The following MMRN1 variants were observed in gnomAD, a reference collection of about 807,000 sequenced individuals.
MMRN1 encodes multimerin 1.
A neutral mutation model predicts 100.7 loss-of-function variants in MMRN1; 94 were observed. The ratio of observed to expected loss-of-function variants is 0.93; its 90% CI spans 0.79 to 1.11. The LOEUF is 1.11. Among genes scored for constraint, MMRN1 ranks in the 50% least tolerant of loss-of-function variants. The pLI, the probability that MMRN1 is intolerant of heterozygous loss-of-function variation, is 0.00. For synonymous variants in MMRN1, 575 were observed against 505.0 expected (o/e 1.14, Z -1.86); for missense variants, 1,606 against 1,439.1 (o/e 1.12, Z -1.88).
chr4:89,914,880 T>G (rs1340247711), intron 3 of MMRN1, among the ~76,000 whole-genome samples: 1 of 151,540 alleles, frequency 6.6e-6, no homozygotes, highest in Middle Eastern at 3.2e-3. Flanking sequence ...ATACAAATAG[T>G]GTTAGATTAC....
At chr4:89,915,148 C>A (rs1721871510) in intron 3 of MMRN1, among the ~76,000 whole-genome samples, 1 of 151,546 alleles carries the variant, frequency 6.6e-6, no homozygotes, top group Non-Finnish European at 1.5e-5. Flanking sequence ...CTGTAACTAA[C>A]ATTTGAATAT....
intron 1 of MMRN1, among the ~76,000 whole-genome samples, chr4:89,905,165 T>A (rs1721526538): frequency 6.6e-6 from 1 of 151,552 alleles, no homozygotes; most frequent in Non-Finnish European, 1.5e-5. Context: ...CTGAATTGGG[T>A]GGGGATTTTA....
Position 89,936,011 on chromosome 4 carries a change from T to A in MMRN1, c.2331T>A (p.Pro777=), listed in dbSNP as rs1342352681. Residue 777 remains proline (P), a synonymous_variant, in exon 6 of 8, where the codon CCT becomes CCA. Coordinates refer to ENST00000264790, the MANE Select transcript of MMRN1 (RefSeq NM_007351.3). ...TGGAAACTATTTTGACATTTATTCC[T>A]CAGTTCCACCGTCTGAATGATTCTA... ...SDMETILTFI[P]QFHRLNDSIQ... 1.9e-6 allele frequency: 3 copies of A among 1,613,304 alleles called. No individual in the cohort carries two copies. Among genetic ancestry groups the A allele is most frequent in the Non-Finnish European group, 2.5e-6 (3 of 1,179,614 alleles).
At chr4:89,891,764 G>A (rs892676581), upstream of MMRN1, among the ~76,000 whole-genome samples, 4 of 152,002 alleles carry the variant, frequency 2.6e-5, no homozygotes, top group African/African-American at 9.7e-5. Context: ...TCTTATGGAG[G>A]AAGGTAATAA....
intron 6 of MMRN1, among the ~76,000 whole-genome samples, chr4:89,947,197 G>C (rs1398826198): frequency 6.6e-6 from 1 of 152,134 alleles, no homozygotes; most frequent in Non-Finnish European, 1.5e-5. Flanking sequence ...CAGGAGAATA[G>C]CTTAAGTCCA....
rs139077852 is a variant in MMRN1, at chr4:89,911,978, C to G, written c.778C>G (p.Gln260Glu). ...QKISNPVYRM[Q>E]HKIVTSLDWR... is the part of the protein sequence containing the mutation. Reference sequence around the variant, plus strand: ...GATATCCAATCCTGTCTATAGGATGCAACATAAAATTGTCACCTCATTGGA... The same window carrying G: ...GATATCCAATCCTGTCTATAGGATGGAACATAAAATTGTCACCTCATTGGA... The change falls in exon 3 of 8, where the codon CAA (glutamine) becomes GAA (glutamate). Residue 260 changes from glutamine to glutamate, a missense_variant. Transcript: ENST00000264790. 1.2e-6 allele frequency: 2 copies of G among 1,603,946 alleles called. No individual in the cohort carries two copies. Among genetic ancestry groups the G allele is most frequent in the Non-Finnish European group, 1.7e-6 (2 of 1,173,856 alleles).
intron 3 of MMRN1, among the ~76,000 whole-genome samples, chr4:89,916,261 C>T (rs547893495): frequency 1.2e-3 from 175 of 151,284 alleles, no homozygotes; most frequent in African/African-American, 3.7e-3. Context: ...CAATGAATTC[C>T]GGAGCAAAGA....
intron 3 of MMRN1, among the ~76,000 whole-genome samples, chr4:89,918,738 C>A (rs899964973): frequency 1.3e-5 from 2 of 151,752 alleles, no homozygotes; most frequent in East Asian, 1.9e-4. Flanking sequence ...AAAACTTTGC[C>A]TGGAACTCCT....
At chr4:89,896,857 T>G (rs886720495) in intron 1 of MMRN1, among the ~76,000 whole-genome samples, 2 of 152,272 alleles carry the variant, frequency 1.3e-5, no homozygotes, top group African/African-American at 4.8e-5. Flanking sequence ...TATAAGTAAA[T>G]CTGATTGTAA....
In MMRN1 at chr4:89,923,185, T is replaced by G. The variant is rs1042589290; in HGVS notation, c.868T>G (p.Leu290Val). ...CCTTCTAGCCCAGGAACAGCAAAGT[T>G]TGATACACACCAACCAGGCTGAAAG... Reference protein sequence around the residue: ...CQLRAQEQQSLIHTNQAESHT... With the variant: ...CQLRAQEQQSVIHTNQAESHT... The change falls in exon 4 of 8, where the codon TTG becomes GTG. Residue 290 changes from leucine to valine, a missense_variant. Coordinates refer to ENST00000264790, the MANE Select transcript of MMRN1 (RefSeq NM_007351.3). The G allele has an allele frequency of 2.0e-5, 32 of 1,613,924 alleles. No individual in the cohort carries two copies. Among genetic ancestry groups the G allele is most frequent in the Non-Finnish European group, 2.6e-5 (31 of 1,179,852 alleles).
At chr4:89,950,291 T>C (rs1723119838) in intron 6 of MMRN1, among the ~76,000 whole-genome samples, 1 of 152,192 alleles carries the variant, frequency 6.6e-6, no homozygotes, top group Non-Finnish European at 1.5e-5. Context: ...GCAAGTGATA[T>C]CATTTTGAAT....
intron 3 of MMRN1, among the ~76,000 whole-genome samples, chr4:89,914,801 T>C (rs1721862152): frequency 6.6e-6 from 1 of 151,516 alleles, no homozygotes; most frequent in Non-Finnish European, 1.5e-5. Flanking sequence ...AGTAGATGTC[T>C]CTAAAATATT....
At chr4:89,900,935 T>G (rs928518680) in intron 1 of MMRN1, among the ~76,000 whole-genome samples, 1 of 151,940 alleles carries the variant, frequency 6.6e-6, no homozygotes, top group Non-Finnish European at 1.5e-5. Context: ...TAGGAAGGAA[T>G]CTATAAAAGT....
At chr4:89,915,389 T>C (rs183034540) in intron 3 of MMRN1, among the ~76,000 whole-genome samples, 1 of 151,562 alleles carries the variant, frequency 6.6e-6, no homozygotes, top group African/African-American at 2.4e-5. Context: ...AAGCTTAACA[T>C]GTACACCGAA....
intron 1 of MMRN1, among the ~76,000 whole-genome samples, chr4:89,906,312 G>A (rs78991560): frequency 2.6e-5 from 4 of 151,498 alleles, no homozygotes; most frequent in African/African-American, 9.7e-5. Flanking sequence ...CAACAAGCTA[G>A]GCATTTGCTC....
intron 5 of MMRN1, among the ~76,000 whole-genome samples, chr4:89,932,349 G>T (rs1722467624): frequency 6.6e-6 from 1 of 152,120 alleles, no homozygotes; most frequent in Non-Finnish European, 1.5e-5. Context: ...GATTTTGAAG[G>T]TCTGTGGCTT....
chr4:89,927,337 TG>T (rs1367845213), intron 4 of MMRN1, among the ~76,000 whole-genome samples: 40 of 152,148 alleles, frequency 2.6e-4, no homozygotes, highest in African/African-American at 8.7e-4. Flanking sequence ...TCCACTTCTT[TG>T]GTTAATTGAA....
chr4:89,889,649 T>G (rs576293134), intron 1 of MMRN1, among the ~76,000 whole-genome samples: 1 of 152,242 alleles, frequency 6.6e-6, no homozygotes, highest in African/African-American at 2.4e-5. Flanking sequence ...CTGCGTGATG[T>G]GCTGTGCCCT....
Position 89,935,437 on chromosome 4 carries a change from A to G in MMRN1, c.1757A>G (p.Glu586Gly). ...NLTVSLEMEKESLRGECEDML... is the reference protein window; with the variant it reads ...NLTVSLEMEKGSLRGECEDML... ...ACCGTCTCTTTGGAGATGGAGAAAG[A>G]GTCTCTCAGAGGTGAATGTGAAGAC... Residue 586 changes from glutamate to glycine, a missense_variant, in exon 6 of 8, where the codon GAG becomes GGG. By Grantham distance (98) the Glu-to-Gly change is moderately conservative. Coordinates refer to ENST00000264790, the MANE Select transcript of MMRN1 (RefSeq NM_007351.3). The G allele has an allele frequency of 1.2e-6, 2 of 1,613,522 alleles. No individual in the cohort carries two copies. The highest frequency in any genetic ancestry group is 1.7e-4 in the Middle Eastern group (1 of 6,056).
Sources: gnomAD v4.1 joint callset for allele counts (sites outside exome capture counted in the v4.1 genomes callset) on GRCh38, gnomAD v4.1.1 for gene constraint, MANE v1.5 for transcripts, NCBI Gene and HGNC (gene_info 2026-07-23, HGNC 2026-07-21) for gene names.